CELF4: variants seen among roughly 807,000 people sequenced by gnomAD.
CELF4 encodes CUGBP Elav-like family member 4.
In CELF4, 18 loss-of-function variants were observed where a neutral mutation model predicts 59.9. That is an observed-to-expected ratio of 0.30 (90% CI 0.21 to 0.45). CELF4 has a LOEUF of 0.45. Ranked by LOEUF, CELF4 falls within the 20% of genes least tolerant of loss-of-function variation. CELF4 has a pLI of 1.00. For synonymous variants in CELF4, 261 were observed against 267.1 expected, an observed-to-expected ratio of 0.98 and a Z score of 0.22; for missense variants, 456 against 689.0, an observed-to-expected ratio of 0.66 and a Z score of 3.79.
intron 2 of CELF4, among the ~76,000 whole-genome samples, chr18:37,479,908 C>T (rs941828395): frequency 6.6e-6 from 1 of 152,172 alleles, no homozygotes; most frequent in Non-Finnish European, 1.5e-5. Flanking sequence ...AGTCTGGACA[C>T]AGACAATGTA....
At chr18:37,377,066 TAAAAA>T (rs1474382867) in intron 2 of CELF4, among the ~76,000 whole-genome samples, 4 of 139,042 alleles carry the variant, frequency 2.9e-5, no homozygotes, top group African/African-American at 1.1e-4. Context: ...GGAGGAGAAA[TAAAAA>T]AGGAAGAGAA....
rs536926239 is a variant in CELF4 at position 37,433,603 on chromosome 18, G to A, written c.369+51922C>T. On this transcript the variant is annotated intron_variant, in intron 2 of 12. Coordinates refer to ENST00000420428, the MANE Select transcript of CELF4 (RefSeq NM_020180.4). Reference sequence around the variant, plus strand: ...GGGAGTTATCTCAAAGTGCCAGGTCGGGGCCACGATTGTCCTTGTCTTGGA... The same window carrying A: ...GGGAGTTATCTCAAAGTGCCAGGTCAGGGCCACGATTGTCCTTGTCTTGGA... Among the ~76,000 whole-genome samples, 9 of 152,290 alleles carry A rather than the reference G, an allele frequency of 5.9e-5. No homozygotes were observed. The South Asian group carries it at 8.3e-4, about 14-fold the overall frequency.
intron 2 of CELF4, among the ~76,000 whole-genome samples, chr18:37,340,957 A>C (rs978612157): frequency 6.6e-6 from 1 of 152,168 alleles, no homozygotes; most frequent in Middle Eastern, 3.2e-3. Flanking sequence ...TGTAGCTTCC[A>C]CTGTTCAGTC....
chr18:37,264,865 C>G (rs969294182), intron 9 of CELF4, 108 bp from the exon 10 acceptor site: 1 of 871,438 alleles, frequency 1.1e-6, no homozygotes, highest in Admixed American at 2.1e-5. Flanking sequence ...AGCCAAAAAG[C>G]GCCCTGCCAC....
intron 2 of CELF4, among the ~76,000 whole-genome samples, chr18:37,426,704 G>A (rs939465512): frequency 5.9e-5 from 9 of 152,254 alleles, no homozygotes; most frequent in Admixed American, 2.6e-4. Context: ...CTGCCCAGGC[G>A]GCCCTGTTCC....
At chr18:37,486,851 A>G (rs9948846) in intron 1 of CELF4, among the ~76,000 whole-genome samples, 90,404 of 151,922 alleles carry the variant, frequency 0.6, 27,414 homozygotes, top group African/African-American at 0.71. Flanking sequence ...CACCTGGTAT[A>G]CCCCTCTTCC....
At chr18:37,266,158 TG>T (rs774602398) in intron 9 of CELF4, 17 of 374,128 alleles carry the variant, frequency 4.5e-5, no homozygotes, top group Non-Finnish European at 7.0e-5. Flanking sequence ...TGGCCCATGG[TG>T]GGCAGCATCC....
chr18:37,250,641 C>T (rs945889003), intron 12 of CELF4, among the ~76,000 whole-genome samples: 3 of 152,120 alleles, frequency 2.0e-5, no homozygotes, highest in African/African-American at 7.2e-5. Flanking sequence ...CCTGTGATAC[C>T]AGGCAGTATT....
chr18:37,311,433 CT>C (rs1024291549), intron 3 of CELF4, among the ~76,000 whole-genome samples: 278 of 152,240 alleles, frequency 1.8e-3, no homozygotes, highest in African/African-American at 6.5e-3. Context: ...GGCTTCCTAG[CT>C]TTTTAAAACT....
chr18:37,269,980 G>A (rs1018420250), intron 8 of CELF4, among the ~76,000 whole-genome samples: 3 of 152,124 alleles, frequency 2.0e-5, no homozygotes, highest in African/African-American at 7.2e-5. Flanking sequence ...GAAGCGGGGC[G>A]GCACTCCACA....
At chr18:37,382,823 G>C (rs1011025667) in intron 2 of CELF4, among the ~76,000 whole-genome samples, 4 of 152,052 alleles carry the variant, frequency 2.6e-5, no homozygotes, top group Non-Finnish European at 5.9e-5. Context: ...TTAACTGCCA[G>C]TTTACAAACA....
intron 2 of CELF4, among the ~76,000 whole-genome samples, chr18:37,362,346 A>G (rs907838901): frequency 1.3e-5 from 2 of 151,668 alleles, no homozygotes; most frequent in African/African-American, 2.4e-5. Context: ...CGGACGCATC[A>G]CTCCCCGGCG....
At chr18:37,362,548 G>A (rs1367098056) in intron 2 of CELF4, among the ~76,000 whole-genome samples, 4 of 152,216 alleles carry the variant, frequency 2.6e-5, no homozygotes, top group East Asian at 1.9e-4. Flanking sequence ...AGACTCTGCC[G>A]GGCTGGGCAC....
intron 1 of CELF4, among the ~76,000 whole-genome samples, chr18:37,500,564 C>T (rs1193703171): frequency 7.0e-6 from 1 of 142,632 alleles, no homozygotes; most frequent in East Asian, 2.1e-4. Flanking sequence ...GACAGAGTCT[C>T]ACTTTGTCGC....
intron 2 of CELF4, among the ~76,000 whole-genome samples, chr18:37,382,754 A>G (rs1456014358): frequency 6.6e-6 from 1 of 152,188 alleles, no homozygotes; most frequent in Non-Finnish European, 1.5e-5. Flanking sequence ...TAAAATATTT[A>G]CAGTCCGTGT....
intron 1 of CELF4, among the ~76,000 whole-genome samples, chr18:37,501,662 CA>C (rs1285777603): frequency 1.3e-5 from 2 of 152,194 alleles, no homozygotes; most frequent in Admixed American, 1.3e-4. Context: ...AGAAACAGGG[CA>C]TCTGGGGAAC....
intron 2 of CELF4, among the ~76,000 whole-genome samples, chr18:37,469,485 C>T (rs964164688): frequency 3.9e-5 from 6 of 152,152 alleles, no homozygotes; most frequent in African/African-American, 1.4e-4. Context: ...TAGATCAGTT[C>T]GTTTTAAGAG....
chr18:37,471,928 T>C (rs2099834146), intron 2 of CELF4, among the ~76,000 whole-genome samples: 1 of 152,194 alleles, frequency 6.6e-6, no homozygotes, highest in African/African-American at 2.4e-5. Flanking sequence ...AGACCCTCTG[T>C]CTCTCGGCCT....
intron 2 of CELF4, among the ~76,000 whole-genome samples, chr18:37,331,810 G>A (rs2097551364): frequency 6.6e-6 from 1 of 152,060 alleles, no homozygotes; most frequent in African/African-American, 2.4e-5. Flanking sequence ...AGGGCCAGTG[G>A]GGTGTGAAAG....
Sources: gnomAD v4.1 joint callset for allele counts (sites outside exome capture counted in the v4.1 genomes callset) on GRCh38, gnomAD v4.1.1 for gene constraint, MANE v1.5 for transcripts, NCBI Gene and HGNC (gene_info 2026-07-23, HGNC 2026-07-21) for gene names.